Variants in USP32 observed in about 807,000 individuals in gnomAD.
The protein encoded by USP32 is ubiquitin carboxyl-terminal hydrolase 32.
USP32 carries 59 observed loss-of-function variants against 204.8 expected under a neutral mutation model. The ratio of observed to expected loss-of-function variants is 0.29; its 90% CI spans 0.23 to 0.36. The LOEUF (loss-of-function observed/expected upper bound fraction) is 0.36, where lower values mean the gene tolerates loss of function less well. Ranked by LOEUF, USP32 falls within the 10% of genes least tolerant of loss-of-function variation. The pLI is 1.00. For missense variants in USP32, 1,160 were observed against 1,946.4 expected, an observed-to-expected ratio of 0.60 and a Z score of 7.60; for synonymous variants, 517 against 678.4, an observed-to-expected ratio of 0.76 and a Z score of 3.70.
intron 5 of USP32, among the ~76,000 whole-genome samples, chr17:60,274,232 G>C (rs1367560361): frequency 1.3e-5 from 2 of 152,254 alleles, no homozygotes; most frequent in East Asian, 1.9e-4. Context: ...TAGTGAGCTT[G>C]AAGGACAGGC....
chr17:60,289,442 A>C (rs2087213389), intron 4 of USP32, among the ~76,000 whole-genome samples: 1 of 152,222 alleles, frequency 6.6e-6, no homozygotes, highest in African/African-American at 2.4e-5. Context: ...TTTAAATTTC[A>C]TTTGTGAATT....
At chr17:60,186,934 A>G (rs955946223) in intron 29 of USP32, among the ~76,000 whole-genome samples, 1 of 152,136 alleles carries the variant, frequency 6.6e-6, no homozygotes, top group African/African-American at 2.4e-5. Context: ...TATGAATGCT[A>G]TCATGAGACT....
At chr17:60,421,237 C>A in intron 1 of USP32, 1 of 480,212 alleles carries the variant, frequency 2.1e-6, no homozygotes, top group Non-Finnish European at 2.7e-6. Context: ...AGGTTTATTC[C>A]TCCCCTTACA....
chr17:60,277,911 A>C (rs962927621), intron 5 of USP32, among the ~76,000 whole-genome samples: 5 of 148,950 alleles, frequency 3.4e-5, no homozygotes, highest in African/African-American at 1.3e-4. Context: ...TAACTTAATA[A>C]TAGTTCCTTT....
In USP32 at chr17:60,288,650, A is replaced by T; in HGVS notation, c.444T>A (p.Asn148Lys). The change falls in exon 5 of 34, where the codon AAT becomes AAA. Residue 148 changes from asparagine (N) to lysine (K), a missense_variant. Transcript: ENST00000300896. ...AAGCATCTTTGTTTAGAAAAAGCCA[A>T]TTTCTAAACTTTTCATAGTTTACCT... is the stretch of plus-strand genomic sequence containing the variant. ...GEKVNYEKFR[N>K]WLFLNKDAFT... is the part of the protein sequence containing the mutation. 6.2e-7 allele frequency: 1 copy of T among 1,610,478 alleles called. No individual in the cohort carries two copies. The highest frequency in any genetic ancestry group is 1.1e-5 in the South Asian group (1 of 90,616).
At chr17:60,264,583 G>A (rs1297949303) in intron 9 of USP32, among the ~76,000 whole-genome samples, 2 of 149,680 alleles carry the variant, frequency 1.3e-5, no homozygotes, top group African/African-American at 2.5e-5. Flanking sequence ...CTGGCCAGGC[G>A]CAGTGGCTCA....
intron 1 of USP32, among the ~76,000 whole-genome samples, chr17:60,398,356 C>T (rs765910049): frequency 6.6e-6 from 1 of 152,060 alleles, no homozygotes; most frequent in African/African-American, 2.4e-5. Context: ...GACTGCGTCA[C>T]TGCACTCAAG....
chr17:60,377,617 A>C (rs1379743522), intron 1 of USP32, among the ~76,000 whole-genome samples: 1 of 152,242 alleles, frequency 6.6e-6, no homozygotes, highest in African/African-American at 2.4e-5. Context: ...ATGTTTGCTA[A>C]TAAATATCCT....
chr17:60,278,845 T>C (rs534608193), intron 5 of USP32, among the ~76,000 whole-genome samples: 2 of 152,310 alleles, frequency 1.3e-5, no homozygotes, highest in Admixed American at 6.5e-5. Context: ...CATAGACAGA[T>C]TTAAAATAGT....
chr17:60,406,439 A>G (rs1452501287), intron 1 of USP32, among the ~76,000 whole-genome samples: 1 of 152,084 alleles, frequency 6.6e-6, no homozygotes, highest in Admixed American at 6.5e-5. Context: ...TCAGCCTCCT[A>G]AAGTGCTGGG....
At chr17:60,250,985 C>G (rs540123933) in intron 11 of USP32, among the ~76,000 whole-genome samples, 11 of 151,546 alleles carry the variant, frequency 7.3e-5, no homozygotes, top group African/African-American at 2.7e-4. Flanking sequence ...CATTGTCACC[C>G]AGGCTGGAAT....
intron 4 of USP32, among the ~76,000 whole-genome samples, chr17:60,294,383 A>AGTGTGTGTGTGTGTGT (rs60195146): frequency 0.027 from 4,013 of 146,448 alleles, 174 homozygotes; most frequent in African/African-American, 0.087. Flanking sequence ...TTCCTGCAGG[A>AGTGTGTGTGTGTGTGT]GTGTGTGTGT....
intron 11 of USP32, among the ~76,000 whole-genome samples, chr17:60,239,586 T>C (rs8080640): frequency 1.3e-5 from 2 of 152,192 alleles, no homozygotes; most frequent in South Asian, 4.1e-4. Flanking sequence ...TGCCTGCTCA[T>C]ATCTGATGGA....
chr17:60,255,298 CTTT>C (rs747340163), intron 9 of USP32, 40 bp from the exon 10 acceptor site: 7,306 of 1,081,018 alleles, frequency 6.8e-3, no homozygotes, highest in East Asian at 7.7e-3. Flanking sequence ...TCTTTTTTTT[CTTT>C]TTTTTTTTTT....
intron 2 of USP32, among the ~76,000 whole-genome samples, chr17:60,310,887 A>AAGCC (rs1598228845): frequency 6.6e-6 from 1 of 152,132 alleles, no homozygotes; most frequent in East Asian, 1.9e-4. Flanking sequence ...AAACAAAAAT[A>AAGCC]AGCCAAGCAC....
chr17:60,398,337 G>T (rs1215614043), intron 1 of USP32, among the ~76,000 whole-genome samples: 1 of 152,098 alleles, frequency 6.6e-6, no homozygotes, highest in Non-Finnish European at 1.5e-5. Flanking sequence ...TAGAGCTACA[G>T]TTACCCATGA....
chr17:60,298,122 A>G (rs1387220936), intron 3 of USP32, among the ~76,000 whole-genome samples: 1 of 148,800 alleles, frequency 6.7e-6, no homozygotes, highest in Non-Finnish European at 1.5e-5. Flanking sequence ...CCTAACTGTA[A>G]TGCATTTAAA....
At position 60,302,117 on chromosome 17, in the gene USP32, A is replaced by G. The variant is rs202148357; in HGVS notation, c.187-413T>C. Among the ~76,000 whole-genome samples the G allele has an allele frequency of 4.4e-3, 56 of 12,612 alleles. No homozygotes were observed. In the East Asian group the frequency reaches 0.2, roughly 45 times the overall value. The allele number at this position is 12,612 out of a possible 152,430, so 8.3% of individuals were successfully genotyped here. On this transcript the variant is annotated intron_variant, in intron 2 of 33. Transcript: ENST00000300896. ...ATATATATAAATATTTTGTTTGTTT[A>G]TTTATTTATTTATTTATTTATTTAT...
At chr17:60,354,534 A>G (rs1350778229) in intron 1 of USP32, among the ~76,000 whole-genome samples, 2 of 152,212 alleles carry the variant, frequency 1.3e-5, no homozygotes, top group African/African-American at 4.8e-5. Flanking sequence ...CACAACCAAC[A>G]TATTTGTAAA....
Sources: allele counts gnomAD v4.1 joint callset (sites outside exome capture counted in the v4.1 genomes callset), GRCh38; gene constraint gnomAD v4.1.1; transcripts MANE v1.5; gene names NCBI Gene and HGNC (gene_info 2026-07-23, HGNC 2026-07-21).